TRUB1: variants seen among roughly 807,000 people sequenced by gnomAD.
TRUB1 encodes the protein pseudouridylate synthase TRUB1.
A neutral mutation model predicts 33.9 loss-of-function variants in TRUB1; 23 were observed. That is an observed-to-expected ratio of 0.68 (90% CI 0.49 to 0.96). The LOEUF (loss-of-function observed/expected upper bound fraction) is 0.96, where lower values mean the gene tolerates loss of function less well. Among genes scored for constraint, TRUB1 ranks in the 40% least tolerant of loss-of-function variants. TRUB1 has a pLI of 0.00. For missense variants in TRUB1, 378 were observed against 422.2 expected, an observed-to-expected ratio of 0.90 and a Z score of 0.92; for synonymous variants, 163 against 165.4, an observed-to-expected ratio of 0.99 and a Z score of 0.11.
chr10:114,947,476 AGT>A (rs1311183917), intron 2 of TRUB1, among the ~76,000 whole-genome samples: 5 of 152,236 alleles, frequency 3.3e-5, no homozygotes, highest in Non-Finnish European at 5.9e-5. Context: ...TTATAGAAAC[AGT>A]GAGAAAATTT....
At chr10:114,966,120 AT>A (rs1415286650) in intron 4 of TRUB1, among the ~76,000 whole-genome samples, 1 of 152,172 alleles carries the variant, frequency 6.6e-6, no homozygotes, top group Non-Finnish European at 1.5e-5. Context: ...CAGTGAACAT[AT>A]TTATCATCAT....
rs778721883 is a variant in TRUB1 at position 114,938,459 on chromosome 10, G to A, written c.206G>A (p.Ser69Asn). ...AALATKLLSLSGVFAVHKPKG... is the reference protein window; with the variant it reads ...AALATKLLSLNGVFAVHKPKG... ...TTGGCTACCAAGCTGCTGTCCTTGA[G>A]CGGCGTGTTCGCCGTGCACAAGCCC... Residue 69 changes from serine to asparagine, a missense_variant, in exon 1 of 8, where the codon AGC becomes AAC. Ser to Asn is a conservative substitution (Grantham distance 46). Transcript: ENST00000298746. The A allele has an allele frequency of 1.8e-5, 28 of 1,595,952 alleles. No individual in the cohort carries two copies. The highest frequency in any genetic ancestry group is 2.3e-5 in the Non-Finnish European group (27 of 1,171,718).
At chr10:114,968,913 A>T (rs1363091407) in intron 4 of TRUB1, among the ~76,000 whole-genome samples, 1 of 152,202 alleles carries the variant, frequency 6.6e-6, no homozygotes, top group Non-Finnish European at 1.5e-5. Flanking sequence ...ATACCAGAAT[A>T]AAAAGTTTAG....
intron 2 of TRUB1, 47 bp downstream of exon 2, chr10:114,942,790 A>G: frequency 8.3e-7 from 1 of 1,200,632 alleles, no homozygotes. Context: ...ACTTAATATC[A>G]GAAAGAAACA....
At chr10:114,969,870 T>C (rs1315304356) in intron 4 of TRUB1, among the ~76,000 whole-genome samples, 2 of 152,124 alleles carry the variant, frequency 1.3e-5, no homozygotes, top group Non-Finnish European at 2.9e-5. Flanking sequence ...TAAAACAGAT[T>C]TGAAATCTTA....
intron 4 of TRUB1, among the ~76,000 whole-genome samples, chr10:114,964,506 T>C (rs902589653): frequency 4.6e-5 from 7 of 152,196 alleles, no homozygotes; most frequent in African/African-American, 1.7e-4. Flanking sequence ...CTCTTGTCTT[T>C]TGAAAAACAC....
chr10:114,950,017 G>A (rs2084227371), intron 2 of TRUB1, among the ~76,000 whole-genome samples: 1 of 149,830 alleles, frequency 6.7e-6, no homozygotes, highest in Non-Finnish European at 1.5e-5. Flanking sequence ...TCCTGCCTTA[G>A]CCTCCCAAGT....
In TRUB1 at chr10:114,975,141, A is replaced by T; in HGVS notation, c.812A>T (p.Asn271Ile). 1 of 1,610,752 alleles carries T rather than the reference A, an allele frequency of 6.2e-7. No homozygotes were observed. Among genetic ancestry groups the T allele is most frequent in the Non-Finnish European group, 8.5e-7 (1 of 1,178,876 alleles). ...DIGKELSSCANVLELTRTKQG... is the reference protein window; with the variant it reads ...DIGKELSSCAIVLELTRTKQG... ...GCCATAGAACTATCTTCCTGTGCCA[A>T]TGTGCTAGAGCTGACCCGAACCAAA... The change falls in exon 8 of 8, where the codon AAT becomes ATT. Residue 271 changes from asparagine to isoleucine, a missense_variant. Asn to Ile is a moderately radical substitution (Grantham distance 149). Coordinates refer to ENST00000298746, the MANE Select transcript of TRUB1 (RefSeq NM_139169.5).
rs1323506604 is a variant in TRUB1 at position 114,976,281 on chromosome 10, AC to A, written c.*903del. The stretch of plus-strand genomic sequence containing the variant: ...TAGTTTGCTCTTTCAAGAGATACTT[AC>A]AGATGTTGAGATGGCTGCCCTGCAT... On this transcript the variant is annotated 3_prime_UTR_variant, in exon 8 of 8. Coordinates refer to ENST00000298746, the MANE Select transcript of TRUB1 (RefSeq NM_139169.5). 1 of 152,168 alleles carries A rather than the reference AC, an allele frequency of 6.6e-6. No homozygotes were observed. The highest frequency in any genetic ancestry group is 1.5e-5 in the Non-Finnish European group (1 of 68,002). The allele number at this position is 152,168 out of a possible 1,614,324, so 9.4% of individuals were successfully genotyped here. A position where few individuals can be genotyped will look rare whatever the true frequency, so the allele number is the denominator to read the frequency against.
Position 114,975,293 on chromosome 10 carries a change from C to G in TRUB1, c.964C>G (p.Pro322Ala). The change falls in exon 8 of 8, where the codon CCT becomes GCT. Residue 322 changes from proline (P) to alanine (A), a missense_variant. Coordinates refer to ENST00000298746, the MANE Select transcript of TRUB1 (RefSeq NM_139169.5). Reference protein sequence around the residue: ...PAELALKKSKPESNEQVLSCE... With the variant: ...PAELALKKSKAESNEQVLSCE... ...AGAGTTGGCACTTAAAAAATCAAAA[C>G]CTGAGTCTAATGAACAGGTTTTGAG... The G allele has an allele frequency of 6.2e-7, 1 of 1,613,418 alleles. No homozygotes were observed. Among genetic ancestry groups the G allele is most frequent in the South Asian group, 1.1e-5 (1 of 91,040 alleles).
intron 6 of TRUB1, among the ~76,000 whole-genome samples, chr10:114,974,052 A>G (rs1171123856): frequency 6.6e-6 from 1 of 152,210 alleles, no homozygotes; most frequent in Non-Finnish European, 1.5e-5. Flanking sequence ...TTTAAAACCT[A>G]TTAAATGAAC....
At chr10:114,954,319 T>C (rs2084251195) in intron 3 of TRUB1, among the ~76,000 whole-genome samples, 1 of 152,214 alleles carries the variant, frequency 6.6e-6, no homozygotes, top group African/African-American at 2.4e-5. Flanking sequence ...ATTGGAGATA[T>C]TGCTAATTGA....
chr10:114,958,616 A>G (rs1401187567), intron 3 of TRUB1, among the ~76,000 whole-genome samples: 2 of 152,244 alleles, frequency 1.3e-5, no homozygotes, highest in Non-Finnish European at 2.9e-5. Context: ...TCAGTGGGAA[A>G]TAAAGTTCTT....
intron 4 of TRUB1, among the ~76,000 whole-genome samples, chr10:114,968,231 G>C (rs1476845030): frequency 6.6e-5 from 10 of 152,216 alleles, no homozygotes. Flanking sequence ...CAATATGGCA[G>C]AAGTAGAATG....
chr10:114,965,651 T>C (rs571111274), intron 4 of TRUB1, among the ~76,000 whole-genome samples: 1 of 152,336 alleles, frequency 6.6e-6, no homozygotes, highest in Admixed American at 6.5e-5. Flanking sequence ...TTTTTTCTAA[T>C]GTTTGGAAGA....
chr10:114,962,078 A>T (rs1479573799), intron 4 of TRUB1, among the ~76,000 whole-genome samples: 5 of 152,240 alleles, frequency 3.3e-5, no homozygotes, highest in African/African-American at 1.2e-4. Flanking sequence ...GCACACAGAT[A>T]TTAGCAGACT....
chr10:114,947,795 G>A (rs1056735956), intron 2 of TRUB1, among the ~76,000 whole-genome samples: 4 of 152,204 alleles, frequency 2.6e-5, no homozygotes, highest in Admixed American at 6.5e-5. Flanking sequence ...TATCACCAGA[G>A]TTTTGTCAGA....
chr10:114,940,691 A>G (rs1280239820), intron 1 of TRUB1, among the ~76,000 whole-genome samples: 1 of 152,342 alleles, frequency 6.6e-6, no homozygotes, highest in Non-Finnish European at 1.5e-5. Context: ...TGCAAGTTAG[A>G]AGGAGGTATA....
intron 5 of TRUB1, among the ~76,000 whole-genome samples, chr10:114,971,514 T>C (rs1179881569): frequency 1.3e-5 from 2 of 152,138 alleles, no homozygotes. Context: ...AATGTAAAAA[T>C]TTAAAAATTT....
Sources: allele counts gnomAD v4.1 joint callset (sites outside exome capture counted in the v4.1 genomes callset), GRCh38; gene constraint gnomAD v4.1.1; transcripts MANE v1.5; gene names NCBI Gene and HGNC (gene_info 2026-07-23, HGNC 2026-07-21).